The following PPWD1 variants were observed in gnomAD, a reference collection of about 807,000 sequenced individuals.
The protein encoded by PPWD1 is peptidylprolyl isomerase domain and WD repeat-containing protein 1.
A neutral mutation model predicts 68.8 loss-of-function variants in PPWD1; 43 were observed. The ratio of observed to expected loss-of-function variants is 0.62; its 90% CI spans 0.49 to 0.81. The LOEUF (loss-of-function observed/expected upper bound fraction) is 0.81, where lower values mean the gene tolerates loss of function less well. Among genes scored for constraint, PPWD1 ranks in the 30% least tolerant of loss-of-function variants. The pLI is 0.00. For synonymous variants in PPWD1, 232 were observed against 258.7 expected (o/e 0.90, Z 0.99); for missense variants, 672 against 804.8 (o/e 0.83, Z 2.00).
In PPWD1 at chr5:65,583,181, C is replaced by A; in HGVS notation, c.1494C>A (p.Thr498=). 6 of 1,607,388 alleles carry A rather than the reference C, an allele frequency of 3.7e-6. No homozygotes were observed. The highest frequency in any genetic ancestry group is 5.1e-6 in the Non-Finnish European group (6 of 1,177,590). The change falls in exon 8 of 11, where the codon ACC becomes ACA. Residue 498 remains threonine (T), a synonymous_variant. Transcript: ENST00000261308. ...KRVSDSAIIH[T]SMGDIHTKLF... Reference sequence around the variant, plus strand: ...TTTCGGACAGTGCCATTATCCACACCAGCATGGGAGACATTCACACCAAAC... The same window carrying A: ...TTTCGGACAGTGCCATTATCCACACAAGCATGGGAGACATTCACACCAAAC...
rs767655901 is a variant in PPWD1, at chr5:65,572,008, C to T, written c.691C>T (p.Leu231=). 6.8e-6 allele frequency: 11 copies of T among 1,614,044 alleles called. No individual in the cohort carries two copies. The East Asian group carries it at 2.5e-4, about 36-fold the overall frequency. The part of the protein sequence containing the change: ...LHTSPLTQIR[L]NPVYKAVVSS... Reference sequence around the variant, plus strand: ...TACATCACCTCTTACTCAGATACGGCTAAACCCAGTTTACAAAGCAGTAGT... The same window carrying T: ...TACATCACCTCTTACTCAGATACGGTTAAACCCAGTTTACAAAGCAGTAGT... The change falls in exon 5 of 11, where the codon CTA becomes TTA. Residue 231 remains leucine (L), a synonymous_variant. Coordinates refer to ENST00000261308, the MANE Select transcript of PPWD1 (RefSeq NM_015342.4).
At chr5:65,563,607 C>A in intron 1 of PPWD1, 101 bp downstream of exon 1, 1 of 1,437,494 alleles carries the variant, frequency 7.0e-7, no homozygotes, top group Non-Finnish European at 9.3e-7. Context: ...GAGTTTTGTG[C>A]CCTCAGAACA....
At chr5:65,582,577 G>GT (rs990513286) in intron 7 of PPWD1, 2 of 155,524 alleles carry the variant, frequency 1.3e-5, no homozygotes, top group African/African-American at 4.8e-5. Flanking sequence ...TCATTGCAAG[G>GT]TATGTACTGT....
At chr5:65,573,677 A>G (rs1753142880) in intron 5 of PPWD1, among the ~76,000 whole-genome samples, 1 of 151,008 alleles carries the variant, frequency 6.6e-6, no homozygotes. Context: ...CCAAGCCAGC[A>G]GAGTTTTTTT....
At chr5:65,578,277 A>G (rs1373188027) in intron 6 of PPWD1, among the ~76,000 whole-genome samples, 2 of 152,222 alleles carry the variant, frequency 1.3e-5, no homozygotes, top group African/African-American at 4.8e-5. Flanking sequence ...AAGTTTTGGC[A>G]GTTATGTATA....
intron 1 of PPWD1, among the ~76,000 whole-genome samples, chr5:65,566,772 T>G (rs1204609927): frequency 6.7e-6 from 1 of 148,984 alleles, no homozygotes; most frequent in Non-Finnish European, 1.5e-5. Flanking sequence ...TTTCCCTCCC[T>G]TCTTTCCTTC....
At chr5:65,576,344 A>T (rs1753278263) in intron 5 of PPWD1, 1 of 975,636 alleles carries the variant, frequency 1.0e-6, no homozygotes. Flanking sequence ...GTTTTAAATT[A>T]GAAGAACCAG....
At chr5:65,567,710 A>C (rs950094581) in intron 2 of PPWD1, 95 bp downstream of exon 2, 7 of 1,378,714 alleles carry the variant, frequency 5.1e-6, no homozygotes, top group African/African-American at 1.5e-5. Context: ...TAATTTTAAG[A>C]TTTTGTAGAT....
rs756257232 is a variant in PPWD1, at chr5:65,583,206, CT to C, written c.1524del (p.Pro509LeufsTer28). 4 of 1,587,774 alleles carry C rather than the reference CT, an allele frequency of 2.5e-6. No individual in the cohort carries two copies. Among genetic ancestry groups the C allele is most frequent in the Non-Finnish European group, 3.4e-6 (4 of 1,169,222 alleles). On this transcript the variant is annotated frameshift_variant, in exon 8 of 11. Transcript: ENST00000261308. LOFTEE classifies it high-confidence loss of function. Reference protein sequence around the residue: ...HTSMGDIHTKLFPVECPKTVE... With the variant: ...HTSMGDIHTKXFPVECPKTVE... ...CAGCATGGGAGACATTCACACCAAA[CT>C]TTTTCCTGTTGAGTATGTATAACAA... is the stretch of plus-strand genomic sequence containing the variant.
At chr5:65,578,818 A>G (rs560649040) in intron 6 of PPWD1, among the ~76,000 whole-genome samples, 145 of 141,178 alleles carry the variant, frequency 1.0e-3, no homozygotes, top group Admixed American at 2.3e-3. Context: ...GTATATATAT[A>G]CTTTTTTTTA....
intron 1 of PPWD1, among the ~76,000 whole-genome samples, chr5:65,564,950 A>G (rs900487855): frequency 1.1e-4 from 17 of 152,208 alleles, no homozygotes; most frequent in African/African-American, 4.1e-4. Flanking sequence ...CACTTTGATC[A>G]TAACTCTGAG....
At chr5:65,575,586 T>G (rs1454028232) in intron 5 of PPWD1, among the ~76,000 whole-genome samples, 1 of 152,258 alleles carries the variant, frequency 6.6e-6, no homozygotes, top group Admixed American at 6.5e-5. Context: ...TATTTTCATC[T>G]GCAATGGAGA....
chr5:65,569,520 A>T (rs986087586), intron 2 of PPWD1, 112 bp from the exon 3 acceptor site: 68 of 1,253,778 alleles, frequency 5.4e-5, no homozygotes, highest in African/African-American at 2.1e-4. Context: ...GTTTTTTTTA[A>T]AAAAAAACCT....
rs1387064632 is a variant in PPWD1, at chr5:65,584,997, A to C, written c.1533-17A>C. 11 of 1,608,476 alleles carry C rather than the reference A, an allele frequency of 6.8e-6. No homozygotes were observed. Among genetic ancestry groups the C allele is most frequent in the Admixed American group, 1.7e-5 (1 of 59,112 alleles). Reference sequence around the variant, plus strand: ...TGCTCTGAATAGGTTTCATATTTGTAACATATGTCTTAATAGGTGCCCTAA... The same window carrying C: ...TGCTCTGAATAGGTTTCATATTTGTCACATATGTCTTAATAGGTGCCCTAA... On this transcript the variant is annotated splice_polypyrimidine_tract_variant and intron_variant, in intron 8 of 10. Coordinates refer to ENST00000261308, the MANE Select transcript of PPWD1 (RefSeq NM_015342.4).
intron 5 of PPWD1, among the ~76,000 whole-genome samples, chr5:65,573,475 ATTTTT>A (rs71728896): frequency 0.46 from 31,412 of 67,586 alleles, 6,227 homozygotes; most frequent in Non-Finnish European, 0.56. Flanking sequence ...ATATATATAT[ATTTTT>A]TTTTTATTAG....
intron 5 of PPWD1, 100 bp from the exon 6 acceptor site, chr5:65,576,779 G>A: frequency 6.9e-7 from 1 of 1,456,662 alleles, no homozygotes. Context: ...TATGTATTCT[G>A]CTTCTATTTA....
At chr5:65,564,482 A>G (rs1480749200) in intron 1 of PPWD1, among the ~76,000 whole-genome samples, 1 of 151,962 alleles carries the variant, frequency 6.6e-6, no homozygotes, top group Non-Finnish European at 1.5e-5. Context: ...GCGCACGCCC[A>G]GCTAATTTTT....
chr5:65,572,572 C>G (rs1753065080), intron 5 of PPWD1, among the ~76,000 whole-genome samples: 2 of 152,104 alleles, frequency 1.3e-5, no homozygotes, highest in South Asian at 2.1e-4. Context: ...ATCCTCAAAA[C>G]TCATTCTAGG....
In PPWD1 at chr5:65,569,622, A is replaced by G; in HGVS notation, c.300-10A>G. On this transcript the variant is annotated splice_polypyrimidine_tract_variant and intron_variant, in intron 2 of 10. Coordinates refer to ENST00000261308, the MANE Select transcript of PPWD1 (RefSeq NM_015342.4). The stretch of plus-strand genomic sequence containing the variant: ...CTTAGAAATTAACTTTTAACATTTC[A>G]TATATGCAGAACAGATTTTATTATT... The G allele has an allele frequency of 2.6e-6, 4 of 1,557,214 alleles. No homozygotes were observed. The highest frequency in any genetic ancestry group is 2.6e-6 in the Non-Finnish European group (3 of 1,137,812).
Sources: allele counts gnomAD v4.1 joint callset (sites outside exome capture counted in the v4.1 genomes callset), GRCh38; gene constraint gnomAD v4.1.1; transcripts MANE v1.5; gene names NCBI Gene and HGNC (gene_info 2026-07-23, HGNC 2026-07-21).